The following MLLT3 variants were observed in gnomAD, a reference collection of about 807,000 sequenced individuals.
The protein encoded by MLLT3 is MLLT3 super elongation complex subunit, also known as protein AF-9.
A neutral mutation model predicts 53.2 loss-of-function variants in MLLT3; 4 were observed. That is an observed-to-expected ratio of 0.08 (90% CI 0.04 to 0.17). The LOEUF (loss-of-function observed/expected upper bound fraction) is 0.17. Ranked by LOEUF, MLLT3 falls within the 10% of genes least tolerant of loss-of-function variation. MLLT3 has a pLI of 1.00. For missense variants in MLLT3, 569 were observed against 684.0 expected (o/e 0.83, Z 1.87); for synonymous variants, 283 against 230.6 (o/e 1.23, Z -2.06).
intron 2 of MLLT3, among the ~76,000 whole-genome samples, chr9:20,474,496 C>T (rs557658971): frequency 1.3e-5 from 2 of 152,188 alleles, no homozygotes; most frequent in East Asian, 1.9e-4. Flanking sequence ...TGTTCCTATA[C>T]ACGAGTCTCC....
intron 4 of MLLT3, among the ~76,000 whole-genome samples, chr9:20,423,643 T>A (rs1823070883): frequency 1.4e-5 from 2 of 146,196 alleles, no homozygotes; most frequent in Non-Finnish European, 1.5e-5. Context: ...TGAGACCCTA[T>A]CTCTACATTA....
rs190641731 is a variant in MLLT3 at position 20,471,417 on chromosome 9, G to A, written c.194-14631C>T. Among the ~76,000 whole-genome samples the A allele has an allele frequency of 4.0e-4, 61 of 152,046 alleles. No homozygotes were observed. The East Asian group carries it at 8.3e-3, about 21-fold the overall frequency. On this transcript the variant is annotated intron_variant, in intron 2 of 10. Coordinates refer to ENST00000380338, the MANE Select transcript of MLLT3 (RefSeq NM_004529.4). The stretch of plus-strand genomic sequence containing the variant: ...TGAGGTCTAGGTCTTCCACCTATGC[G>A]TACTTTCCATTCTACACCTTTTCCT...
chr9:20,611,985 T>A (rs1445917108), intron 2 of MLLT3, among the ~76,000 whole-genome samples: 1 of 152,150 alleles, frequency 6.6e-6, no homozygotes, highest in Non-Finnish European at 1.5e-5. Flanking sequence ...ATATAGAGAA[T>A]TTGATTTTGT....
chr9:20,427,950 C>A (rs1328675387), intron 4 of MLLT3, among the ~76,000 whole-genome samples: 2 of 152,026 alleles, frequency 1.3e-5, no homozygotes, highest in Non-Finnish European at 2.9e-5. Context: ...TTATTATTTG[C>A]TGTTTTCTTG....
At chr9:20,478,808 T>A (rs1444687067) in intron 2 of MLLT3, among the ~76,000 whole-genome samples, 1 of 152,014 alleles carries the variant, frequency 6.6e-6, no homozygotes, top group East Asian at 1.9e-4. Flanking sequence ...AGAGGCCATG[T>A]ATAAGAAATC....
intron 5 of MLLT3, among the ~76,000 whole-genome samples, chr9:20,366,673 G>A (rs970260413): frequency 2.6e-5 from 4 of 152,196 alleles, no homozygotes; most frequent in African/African-American, 9.6e-5. Flanking sequence ...GTGTAAAAGT[G>A]TTCCTATTTC....
chr9:20,559,899 CTA>C (rs1432102823), intron 2 of MLLT3, among the ~76,000 whole-genome samples: 1 of 152,282 alleles, frequency 6.6e-6, no homozygotes, highest in Admixed American at 6.5e-5. Context: ...AAGCAAGTGA[CTA>C]TGTTCTTAAC....
At chr9:20,589,690 C>G (rs1013416731) in intron 2 of MLLT3, among the ~76,000 whole-genome samples, 21 of 143,690 alleles carry the variant, frequency 1.5e-4, no homozygotes, top group Non-Finnish European at 2.9e-4. Flanking sequence ...CAATAGTATC[C>G]CAGCCCATGG....
At chr9:20,396,079 A>C (rs183396036) in intron 5 of MLLT3, among the ~76,000 whole-genome samples, 2 of 152,290 alleles carry the variant, frequency 1.3e-5, no homozygotes, top group East Asian at 3.9e-4. Flanking sequence ...CGAATACAGC[A>C]TCTATAATGG....
At chr9:20,443,322 A>C (rs902244329) in intron 4 of MLLT3, among the ~76,000 whole-genome samples, 1 of 152,226 alleles carries the variant, frequency 6.6e-6, no homozygotes, top group East Asian at 1.9e-4. Context: ...TAGAAGCACA[A>C]GGATCCAACT....
At chr9:20,458,560 C>A (rs911704379) in intron 2 of MLLT3, among the ~76,000 whole-genome samples, 1 of 152,128 alleles carries the variant, frequency 6.6e-6, no homozygotes. Flanking sequence ...GTGATTAGGT[C>A]ATGAAGGTGG....
intron 9 of MLLT3, 102 bp from the exon 10 acceptor site, chr9:20,353,698 G>C: frequency 1.0e-6 from 1 of 1,003,088 alleles, no homozygotes; most frequent in Non-Finnish European, 1.6e-6. Flanking sequence ...GCAGCTGGAG[G>C]TTTCTCATTA....
At chr9:20,576,193 C>A (rs1819649048) in intron 2 of MLLT3, among the ~76,000 whole-genome samples, 1 of 152,206 alleles carries the variant, frequency 6.6e-6, no homozygotes. Flanking sequence ...TCTCAGCATT[C>A]AGAGTTGAAG....
intron 2 of MLLT3, among the ~76,000 whole-genome samples, chr9:20,539,252 C>A (rs1818562741): frequency 6.6e-6 from 1 of 152,240 alleles, no homozygotes; most frequent in Admixed American, 6.5e-5. Flanking sequence ...TCAATCGTCT[C>A]AAACCTTGCC....
intron 8 of MLLT3, among the ~76,000 whole-genome samples, chr9:20,359,015 T>C (rs1821246875): frequency 6.6e-6 from 1 of 151,438 alleles, no homozygotes; most frequent in Non-Finnish European, 1.5e-5. Flanking sequence ...CGTGGTGGCA[T>C]GCACCTGTAG....
intron 5 of MLLT3, among the ~76,000 whole-genome samples, chr9:20,369,417 T>C (rs1401246012): frequency 1.3e-5 from 2 of 152,170 alleles, no homozygotes; most frequent in Non-Finnish European, 2.9e-5. Context: ...TGACTATATA[T>C]ATCATGAGAA....
chr9:20,564,284 G>A (rs1819291866), intron 2 of MLLT3, among the ~76,000 whole-genome samples: 1 of 152,104 alleles, frequency 6.6e-6, no homozygotes, highest in Non-Finnish European at 1.5e-5. Context: ...GAAGCAGGGT[G>A]TCAGAAAAGT....
chr9:20,588,655 G>C (rs1457377988), intron 2 of MLLT3, among the ~76,000 whole-genome samples: 1 of 152,114 alleles, frequency 6.6e-6, no homozygotes, highest in African/African-American at 2.4e-5. Flanking sequence ...TCTGTTGTTG[G>C]TGTACAGGAA....
At chr9:20,519,573 G>A (rs1818006073) in intron 2 of MLLT3, among the ~76,000 whole-genome samples, 1 of 151,966 alleles carries the variant, frequency 6.6e-6, no homozygotes, top group Non-Finnish European at 1.5e-5. Flanking sequence ...ATACATACAT[G>A]TGGCCAACAA....
Sources: allele counts gnomAD v4.1 joint callset (sites outside exome capture counted in the v4.1 genomes callset), GRCh38; gene constraint gnomAD v4.1.1; transcripts MANE v1.5; gene names NCBI Gene and HGNC (gene_info 2026-07-23, HGNC 2026-07-21).